The following SORCS1 variants were observed in gnomAD, a reference collection of about 807,000 sequenced individuals.
SORCS1 encodes the protein sortilin related VPS10 domain containing receptor 1.
Under a neutral mutation model 146.1 loss-of-function variants are expected in SORCS1, and 60 were observed. The ratio of observed to expected loss-of-function variants is 0.41; its 90% confidence interval spans 0.33 to 0.51. The LOEUF is 0.51. SORCS1 is among the 20% of genes least tolerant of loss of function. The pLI is 0.21. For missense variants in SORCS1, 1,352 were observed against 1,487.6 expected (o/e 0.91, Z 1.50); for synonymous variants, 637 against 584.0 (o/e 1.09, Z -1.31).
intron 6 of SORCS1, among the ~76,000 whole-genome samples, chr10:106,719,134 AC>A (rs1172582519): frequency 6.6e-6 from 1 of 152,196 alleles, no homozygotes; most frequent in Non-Finnish European, 1.5e-5. Flanking sequence ...AGCGACAGAG[AC>A]AGAGAGAGAA....
At chr10:106,943,983 A>G (rs1233474324) in intron 2 of SORCS1, among the ~76,000 whole-genome samples, 1 of 152,112 alleles carries the variant, frequency 6.6e-6, no homozygotes, top group East Asian at 1.9e-4. Flanking sequence ...TAACTCACCC[A>G]ACAACTGGTC....
At chr10:106,805,855 G>C (rs377463742) in intron 3 of SORCS1, among the ~76,000 whole-genome samples, 4 of 151,380 alleles carry the variant, frequency 2.6e-5, no homozygotes, top group African/African-American at 9.7e-5. Flanking sequence ...TCAGGAGATC[G>C]AGACCATCCT....
At chr10:107,161,622 C>T (rs182519235) in intron 1 of SORCS1, among the ~76,000 whole-genome samples, 3 of 152,126 alleles carry the variant, frequency 2.0e-5, no homozygotes, top group South Asian at 2.1e-4. Flanking sequence ...CAACTTGCCT[C>T]GGTCAAACCA....
At chr10:106,827,447 A>G (rs1301278920) in intron 3 of SORCS1, among the ~76,000 whole-genome samples, 3 of 152,182 alleles carry the variant, frequency 2.0e-5, no homozygotes, top group Non-Finnish European at 4.4e-5. Context: ...GTCATGCCAC[A>G]TTTAGTACTA....
At chr10:106,843,039 T>G (rs1949122048) in intron 2 of SORCS1, among the ~76,000 whole-genome samples, 1 of 152,232 alleles carries the variant, frequency 6.6e-6, no homozygotes, top group Non-Finnish European at 1.5e-5. Flanking sequence ...GTATACATTT[T>G]GAAATAATTA....
At chr10:106,849,105 T>A (rs892509616) in intron 2 of SORCS1, among the ~76,000 whole-genome samples, 3 of 146,038 alleles carry the variant, frequency 2.1e-5, no homozygotes, top group African/African-American at 7.4e-5. Flanking sequence ...TGGCGTTCTC[T>A]GTATTTCCTG....
intron 1 of SORCS1, among the ~76,000 whole-genome samples, chr10:106,999,260 C>T (rs527503350): frequency 6.6e-6 from 1 of 152,002 alleles, no homozygotes; most frequent in Non-Finnish European, 1.5e-5. Flanking sequence ...AACATACATA[C>T]ACACACACAG....
rs869234899 is a variant in SORCS1, at chr10:106,706,206, GAAAA to G, written c.1233+335_1233+338del. ...CAGAGACAGAGAAGAAAGAAAGAAA[GAAAA>G]AAGAAAGAAAGAGAAAAAGAGAAAG... On this transcript the variant is annotated intron_variant, in intron 8 of 25. Transcript: ENST00000263054. 3.2e-4 allele frequency among the ~76,000 whole-genome samples: 44 copies of G among 137,858 alleles called. No individual in the cohort carries two copies. The East Asian group carries it at 4.8e-3, about 15-fold the overall frequency. The allele number at this position is 137,858 out of a possible 152,430, so 90.4% of individuals were successfully genotyped here. A position where few individuals can be genotyped will look rare whatever the true frequency, so the allele number is the denominator to read the frequency against.
intron 1 of SORCS1, among the ~76,000 whole-genome samples, chr10:107,061,720 A>G (rs906769332): frequency 6.6e-6 from 1 of 152,170 alleles, no homozygotes; most frequent in Non-Finnish European, 1.5e-5. Flanking sequence ...TATTTCTCAC[A>G]TAACTTATGG....
chr10:106,806,504 CCTTT>C (rs1420515190), intron 3 of SORCS1, among the ~76,000 whole-genome samples: 4 of 92,912 alleles, frequency 4.3e-5, no homozygotes, highest in African/African-American at 1.4e-4. Flanking sequence ...AGAGAGGAAG[CCTTT>C]TTTTTTTTTT....
chr10:106,964,891 G>A (rs1416715212), intron 1 of SORCS1, among the ~76,000 whole-genome samples: 4 of 150,898 alleles, frequency 2.7e-5, no homozygotes, highest in Non-Finnish European at 5.9e-5. Context: ...TGAGATTACA[G>A]GTGTGAGCCA....
At chr10:106,737,450 G>A (rs931679925) in intron 5 of SORCS1, among the ~76,000 whole-genome samples, 1 of 151,858 alleles carries the variant, frequency 6.6e-6, no homozygotes, top group Admixed American at 6.6e-5. Context: ...TTTAAAGAGG[G>A]GGGTGGTGCA....
At chr10:106,813,763 T>C (rs917967798) in intron 3 of SORCS1, among the ~76,000 whole-genome samples, 3 of 152,064 alleles carry the variant, frequency 2.0e-5, no homozygotes, top group African/African-American at 2.4e-5. Context: ...AGGGAGACCA[T>C]GTACCTACAA....
chr10:106,639,284 G>C (rs1848912829), intron 18 of SORCS1, among the ~76,000 whole-genome samples: 1 of 152,186 alleles, frequency 6.6e-6, no homozygotes, highest in Admixed American at 6.5e-5. Flanking sequence ...AGTATTGTTA[G>C]GGCCTCAAGT....
the SORCS1 span, among the ~76,000 whole-genome samples, chr10:107,179,368 T>C: frequency 1.3e-5 from 2 of 152,246 alleles, no homozygotes; most frequent in African/African-American, 4.8e-5. Context: ...TGTATCATGT[T>C]GCCCTTGTAT....
chr10:106,999,602 T>C (rs780667047), intron 1 of SORCS1, among the ~76,000 whole-genome samples: 25 of 152,324 alleles, frequency 1.6e-4, no homozygotes, highest in Middle Eastern at 3.4e-3. Context: ...AGAAATCACT[T>C]TGAGTTGACT....
intron 1 of SORCS1, among the ~76,000 whole-genome samples, chr10:107,124,568 A>G (rs1966595891): frequency 6.6e-6 from 1 of 152,122 alleles, no homozygotes. Context: ...AATGGCATCA[A>G]TTCTTCCCTG....
chr10:106,673,676 T>G (rs896842038), intron 14 of SORCS1, among the ~76,000 whole-genome samples: 27 of 152,198 alleles, frequency 1.8e-4, no homozygotes, highest in Admixed American at 7.9e-4. Context: ...ATCTTGCTAA[T>G]GTACATAGTT....
At chr10:106,942,268 A>G (rs1463046591) in intron 2 of SORCS1, among the ~76,000 whole-genome samples, 1 of 152,158 alleles carries the variant, frequency 6.6e-6, no homozygotes, top group Non-Finnish European at 1.5e-5. Context: ...CGAAGGTCCT[A>G]CTGTTTCACT....
Sources: gnomAD v4.1 joint callset for allele counts (sites outside exome capture counted in the v4.1 genomes callset) on GRCh38, gnomAD v4.1.1 for gene constraint, MANE v1.5 for transcripts, NCBI Gene and HGNC (gene_info 2026-07-23, HGNC 2026-07-21) for gene names.